MSRB2: variants seen among roughly 807,000 people sequenced by gnomAD.
MSRB2 encodes methionine sulfoxide reductase B2.
In MSRB2, 17 loss-of-function variants were observed where a neutral mutation model predicts 19.0. The ratio of observed to expected loss-of-function variants is 0.89; its 90% confidence interval spans 0.61 to 1.34. The LOEUF (loss-of-function observed/expected upper bound fraction) is 1.34, where lower values mean the gene tolerates loss of function less well. Among genes scored for constraint, MSRB2 ranks in the 40% most tolerant of loss-of-function variants. The probability of loss-of-function intolerance (pLI) is 0.00; values close to 1 mark genes in which losing one functional copy is unlikely to be tolerated. For missense variants in MSRB2, 208 were observed against 237.6 expected, an observed-to-expected ratio of 0.88 and a Z score of 0.82; for synonymous variants, 107 against 99.7, an observed-to-expected ratio of 1.07 and a Z score of -0.44.
At chr10:23,110,439 T>C in intron 3 of MSRB2, 121 bp downstream of exon 3, 2 of 755,922 alleles carry the variant, frequency 2.6e-6, no homozygotes, top group Non-Finnish European at 4.3e-6. Context: ...TTTAAATTGC[T>C]CTTCTCATTT....
intron 2 of MSRB2, among the ~76,000 whole-genome samples, chr10:23,107,404 T>G (rs889596947): frequency 6.6e-6 from 1 of 152,268 alleles, no homozygotes; most frequent in Admixed American, 6.5e-5. Flanking sequence ...CAAGGTATTC[T>G]GCCTGCCAGA....
Position 23,118,330 on chromosome 10 carries a change from G to GTTT in MSRB2, c.297-970_297-968dup, listed in dbSNP as rs199691499. On this transcript the variant is annotated intron_variant, in intron 3 of 4. Transcript: ENST00000376510. ...TTTGCTACTTTTTCTTCTTAGATTA[G>GTTT]TTTTTTGTTTTTTTTTTTTTTTTTT... 1.7e-3 allele frequency among the ~76,000 whole-genome samples: 151 copies of GTTT among 86,596 alleles called. 3 individuals carry two copies. The highest frequency in any genetic ancestry group is 6.8e-3 in the African/African-American group (143 of 20,886). The allele number at this position is 86,596 out of a possible 152,430, so 56.8% of individuals were successfully genotyped here. A position where few individuals can be genotyped will look rare whatever the true frequency, so the allele number is the denominator to read the frequency against.
In MSRB2 at chr10:23,120,799, G is replaced by A. The variant is rs562845463; in HGVS notation, c.486G>A (p.Gly162=). 22 of 1,614,114 alleles carry A rather than the reference G, an allele frequency of 1.4e-5. No homozygotes were observed. In the South Asian group the frequency reaches 2.3e-4, roughly 17 times the overall value. The change falls in exon 5 of 5, where the codon GGG becomes GGA. Residue 162 remains glycine (G), a synonymous_variant. Coordinates refer to ENST00000376510, the MANE Select transcript of MSRB2 (RefSeq NM_012228.4). ...GTCACGTGTTTCCTGATGGACCTGG[G>A]CCCAATGGTCAGAGGTTTTGCATCA... ...HLGHVFPDGP[G]PNGQRFCINS...
Position 23,118,337 on chromosome 10 carries a change from G to GTTT in MSRB2, c.297-950_297-948dup, listed in dbSNP as rs35011086. The stretch of plus-strand genomic sequence containing the variant: ...CTTTTTCTTCTTAGATTAGTTTTTT[G>GTTT]TTTTTTTTTTTTTTTTTTTGGCTGG... On this transcript the variant is annotated intron_variant, in intron 3 of 4. Transcript: ENST00000376510. Among the ~76,000 whole-genome samples, 72 of 92,180 alleles carry GTTT rather than the reference G, an allele frequency of 7.8e-4. 1 individual carries two copies. The highest frequency in any genetic ancestry group is 9.3e-4 in the Non-Finnish European group (46 of 49,466). 60.5% of individuals were successfully genotyped at this position (92,180 alleles called of 152,430 possible). A position where few individuals can be genotyped will look rare whatever the true frequency, so the allele number is the denominator to read the frequency against.
At chr10:23,116,850 C>G (rs539471449) in intron 3 of MSRB2, among the ~76,000 whole-genome samples, 137 of 152,266 alleles carry the variant, frequency 9.0e-4, no homozygotes, top group Middle Eastern at 6.8e-3. Context: ...TCACCCTCGC[C>G]TGGCATGGCC....
Position 23,095,853 on chromosome 10 carries a change from G to GCCC in MSRB2, c.118+129_118+131dup, listed in dbSNP as rs1324882583. On this transcript the variant is annotated intron_variant, in intron 1 of 4. Coordinates refer to ENST00000376510, the MANE Select transcript of MSRB2 (RefSeq NM_012228.4). ...CCTCCTACTAAGCCCTCCTCGGCGCGCCCCTCCCCCCCCCCAGCCCGAGGA... is the reference window on the plus strand; with the variant it reads ...CCTCCTACTAAGCCCTCCTCGGCGCGCCCCCCCTCCCCCCCCCCAGCCCGAGGA... 7.9e-6 allele frequency: 4 copies of GCCC among 508,452 alleles called. No homozygotes were observed. The African/African-American group carries it at 1.0e-4, about 13-fold the overall frequency. The allele number at this position is 508,452 out of a possible 1,614,324, so 31.5% of individuals were successfully genotyped here.
intron 1 of MSRB2, 143 bp from the exon 2 acceptor site, chr10:23,104,001 C>A: frequency 1.9e-6 from 1 of 521,900 alleles, no homozygotes. Flanking sequence ...TTCTGGTCCC[C>A]ATGAAGAATA....
At chr10:23,103,033 G>A (rs1839942531) in intron 1 of MSRB2, among the ~76,000 whole-genome samples, 2 of 152,068 alleles carry the variant, frequency 1.3e-5, no homozygotes, top group Non-Finnish European at 2.9e-5. Flanking sequence ...GAGCCCTTGT[G>A]TAAAAATAAT....
chr10:23,122,010 T>C lies in MSRB2; in HGVS notation c.*1148T>C, dbSNP rs1161551926. On this transcript the variant is annotated 3_prime_UTR_variant, in exon 5 of 5. Coordinates refer to ENST00000376510, the MANE Select transcript of MSRB2 (RefSeq NM_012228.4). ...TGTCCAAATAAAATATTCACTAAAATTTATGTTTGCTTTTTGGCTAAGTCA... is the reference window on the plus strand; with the variant it reads ...TGTCCAAATAAAATATTCACTAAAACTTATGTTTGCTTTTTGGCTAAGTCA... The C allele has an allele frequency of 1.3e-5, 2 of 152,152 alleles. No homozygotes were observed. Among genetic ancestry groups the C allele is most frequent in the African/African-American group, 4.8e-5 (2 of 41,426 alleles). The allele number at this position is 152,152 out of a possible 1,614,324, so 9.4% of individuals were successfully genotyped here.
At chr10:23,107,472 T>C (rs1010285274) in intron 2 of MSRB2, among the ~76,000 whole-genome samples, 1 of 152,246 alleles carries the variant, frequency 6.6e-6, no homozygotes, top group Non-Finnish European at 1.5e-5. Flanking sequence ...CAGCTTAGTG[T>C]TGGCATTTTT....
intron 3 of MSRB2, among the ~76,000 whole-genome samples, chr10:23,118,874 G>A (rs1840147381): frequency 1.3e-5 from 2 of 152,178 alleles, no homozygotes; most frequent in African/African-American, 2.4e-5. Context: ...CTGTTGCCAA[G>A]CATGACTTTC....
intron 1 of MSRB2, among the ~76,000 whole-genome samples, chr10:23,096,108 G>T (rs1422129125): frequency 6.6e-6 from 1 of 152,108 alleles, no homozygotes; most frequent in African/African-American, 2.4e-5. Flanking sequence ...CCCTGCGAAG[G>T]CCCCTAGTAT....
intron 3 of MSRB2, among the ~76,000 whole-genome samples, chr10:23,118,580 C>T (rs1840143227): frequency 6.6e-6 from 1 of 152,028 alleles, no homozygotes; most frequent in African/African-American, 2.4e-5. Flanking sequence ...GGTTTCACTG[C>T]AGTGATTGAT....
intron 3 of MSRB2, 83 bp downstream of exon 3, chr10:23,110,401 A>G: frequency 9.3e-7 from 1 of 1,070,444 alleles, no homozygotes; most frequent in Non-Finnish European, 1.4e-6. Context: ...TCTTGGATAA[A>G]TAAATACCCA....
intron 3 of MSRB2, among the ~76,000 whole-genome samples, chr10:23,114,183 C>T (rs1478667461): frequency 6.6e-6 from 1 of 151,966 alleles, no homozygotes; most frequent in Non-Finnish European, 1.5e-5. Flanking sequence ...AATCCTGTCT[C>T]TACTAAAAAT....
intron 1 of MSRB2, among the ~76,000 whole-genome samples, chr10:23,098,271 A>G (rs1438456000): frequency 6.6e-6 from 1 of 152,214 alleles, no homozygotes; most frequent in Admixed American, 6.5e-5. Flanking sequence ...CAGTATAGCA[A>G]CTGTGGCCAG....
In MSRB2 at chr10:23,121,127, T is replaced by C. The variant is rs186866543; in HGVS notation, c.*265T>C. Reference sequence around the variant, plus strand: ...GAAAAACTAGAAAAATAAACAAAATTAAAAAGAAAAAAAAATACCTGAGAC... The same window carrying C: ...GAAAAACTAGAAAAATAAACAAAATCAAAAAGAAAAAAAAATACCTGAGAC... On this transcript the variant is annotated 3_prime_UTR_variant, in exon 5 of 5. Coordinates refer to ENST00000376510, the MANE Select transcript of MSRB2 (RefSeq NM_012228.4). 1.0e-5 allele frequency: 4 copies of C among 393,628 alleles called. No individual in the cohort carries two copies. The highest frequency in any genetic ancestry group is 8.3e-5 in the African/African-American group (4 of 47,980). 24.4% of individuals were successfully genotyped at this position (393,628 alleles called of 1,614,324 possible). A position where few individuals can be genotyped will look rare whatever the true frequency, so the allele number is the denominator to read the frequency against.
rs751405396 is a variant in MSRB2, at chr10:23,111,809, CTTAAA to C, written c.296+1494_296+1498del. Among the ~76,000 whole-genome samples the C allele has an allele frequency of 1.2e-4, 18 of 147,516 alleles. 1 individual carries two copies. The South Asian group carries it at 1.5e-3, about 12-fold the overall frequency. On this transcript the variant is annotated intron_variant, in intron 3 of 4. Transcript: ENST00000376510. ...TCAATTTAATTTTAATTAATTTAAA[CTTAAA>C]TTTAATTTTAATTAATTTAAACTTA...
chr10:23,098,391 C>T (rs556020125), intron 1 of MSRB2, among the ~76,000 whole-genome samples: 2 of 152,282 alleles, frequency 1.3e-5, no homozygotes, highest in South Asian at 4.1e-4. Context: ...TTCTGACCAA[C>T]AAAATATATG....
Sources: allele counts gnomAD v4.1 joint callset (sites outside exome capture counted in the v4.1 genomes callset), GRCh38; gene constraint gnomAD v4.1.1; transcripts MANE v1.5; gene names NCBI Gene and HGNC (gene_info 2026-07-23, HGNC 2026-07-21).